The following SF3B1 variants were observed in gnomAD, a reference collection of about 807,000 sequenced individuals.
The protein encoded by SF3B1 is pre-mRNA processing 10.
A neutral mutation model predicts 153.8 loss-of-function variants in SF3B1; 12 were observed. That is an observed-to-expected ratio of 0.08 (90% CI 0.05 to 0.13). SF3B1 has a LOEUF of 0.13. SF3B1 is among the 10% of genes least tolerant of loss of function. The pLI, the probability that SF3B1 is intolerant of heterozygous loss-of-function variation, is 1.00. For missense variants in SF3B1, 513 were observed against 1,606.1 expected (o/e 0.32, Z 11.63); for synonymous variants, 498 against 525.2 (o/e 0.95, Z 0.71).
Position 197,402,156 on chromosome 2 carries a change from C to T in SF3B1, c.2078-26G>A, listed in dbSNP as rs1467608931. Reference sequence around the variant, plus strand: ...CTACAAAACCAAACACAGGTTTTAACTATGCCCCAACATTACCTAAGTTAC... The same window carrying T: ...CTACAAAACCAAACACAGGTTTTAATTATGCCCCAACATTACCTAAGTTAC... On this transcript the variant is annotated intron_variant, in intron 14 of 24. Transcript: ENST00000335508. The surrounding 1 kb of genome is among the most constrained non-coding windows in gnomAD (Gnocchi z 4.6). The T allele has an allele frequency of 6.3e-7, 1 of 1,581,012 alleles. No homozygotes were observed. Among genetic ancestry groups the T allele is most frequent in the African/African-American group, 1.4e-5 (1 of 73,436 alleles).
chr2:197,429,547 GC>G (rs1266895710), intron 1 of SF3B1, among the ~76,000 whole-genome samples: 1 of 152,214 alleles, frequency 6.6e-6, no homozygotes, highest in Non-Finnish European at 1.5e-5. Context: ...ACTTTGGGAG[GC>G]CGATGTGGAT....
intron 2 of SF3B1, among the ~76,000 whole-genome samples, chr2:197,421,669 T>C (rs1007573104): frequency 6.6e-5 from 10 of 152,218 alleles, no homozygotes; most frequent in East Asian, 1.9e-4. Context: ...TGTAGGAGTT[T>C]TGAGACTAGC....
intron 1 of SF3B1, among the ~76,000 whole-genome samples, chr2:197,428,117 C>T (rs2085364334): frequency 6.6e-6 from 1 of 151,960 alleles, no homozygotes; most frequent in Non-Finnish European, 1.5e-5. Context: ...AGTTCAAGGC[C>T]AGCCTAAGCA....
In SF3B1 at chr2:197,405,356, A is replaced by G. The variant is rs1158392491; in HGVS notation, c.1356T>C (p.Thr452=). Residue 452 remains threonine (T), a synonymous_variant, in exon 10 of 25, where the codon ACT becomes ACC. Transcript: ENST00000335508. Reference sequence around the variant, plus strand: ...ATGGCTGGTCATTAACACTTTTCATAGTTCGATCTTCAGTTTGCATGTGGA... The same window carrying G: ...ATGGCTGGTCATTAACACTTTTCATGGTTCGATCTTCAGTTTGCATGTGGA... ...TGFHMQTEDR[T]MKSVNDQPSG... 1.2e-6 allele frequency: 2 copies of G among 1,614,080 alleles called. No individual in the cohort carries two copies. The highest frequency in any genetic ancestry group is 1.7e-6 in the Non-Finnish European group (2 of 1,179,954).
intron 6 of SF3B1, among the ~76,000 whole-genome samples, chr2:197,412,805 C>G (rs549103307): frequency 6.8e-6 from 1 of 147,528 alleles, no homozygotes; most frequent in Non-Finnish European, 1.5e-5. Context: ...GCCAACACTG[C>G]GAAACCCTGT....
intron 2 of SF3B1, among the ~76,000 whole-genome samples, chr2:197,423,217 T>C (rs1253467845): frequency 6.6e-6 from 1 of 151,510 alleles, no homozygotes; most frequent in Non-Finnish European, 1.5e-5. Context: ...CAAAACCCCA[T>C]CTCTACTAAA....
chr2:197,418,837 G>A (rs2085195842), intron 4 of SF3B1: 1 of 1,523,074 alleles, frequency 6.6e-7, no homozygotes, highest in Non-Finnish European at 8.8e-7. Flanking sequence ...CAAAATGACA[G>A]CACAGTTTAG....
upstream of SF3B1, chr2:197,435,069 GA>G: frequency 6.2e-7 from 1 of 1,612,542 alleles, no homozygotes; most frequent in Non-Finnish European, 8.5e-7. Context: ...CCGCCACGGA[GA>G]AAAATAGCTG....
intron 1 of SF3B1, among the ~76,000 whole-genome samples, chr2:197,424,619 C>G (rs1480652207): frequency 1.3e-5 from 2 of 152,138 alleles, no homozygotes; most frequent in Non-Finnish European, 2.9e-5. Flanking sequence ...CAATCAAGCA[C>G]CATACACTGC....
chr2:197,413,989 TAG>T (rs577538408), intron 6 of SF3B1, among the ~76,000 whole-genome samples: 71 of 152,146 alleles, frequency 4.7e-4, no homozygotes, highest in African/African-American at 1.7e-3. Flanking sequence ...GTATTTTAAC[TAG>T]AGTCGGGGTT....
chr2:197,420,032 T>C, intron 4 of SF3B1: 1 of 241,358 alleles, frequency 4.1e-6, no homozygotes, highest in Non-Finnish European at 8.1e-6. Context: ...GGAGCTCTAG[T>C]GTGAGAAACA....
chr2:197,422,297 T>C (rs2085256642), intron 2 of SF3B1, among the ~76,000 whole-genome samples: 1 of 151,896 alleles, frequency 6.6e-6, no homozygotes, highest in African/African-American at 2.4e-5. Context: ...GTGACTTGAA[T>C]TTCTTAAAAA....
intron 1 of SF3B1, among the ~76,000 whole-genome samples, chr2:197,428,400 C>T (rs1475073150): frequency 6.6e-6 from 1 of 152,168 alleles, no homozygotes; most frequent in African/African-American, 2.4e-5. Flanking sequence ...TCTCCCCTAT[C>T]CATGCCAGCC....
chr2:197,420,160 CAAAAGT>C (rs2085216695), intron 4 of SF3B1: 1 of 376,902 alleles, frequency 2.7e-6, no homozygotes. Flanking sequence ...GTACCCAAAA[CAAAAGT>C]AAAAGTAAAA....
At chr2:197,409,742 CCA>C in intron 7 of SF3B1, 26 bp downstream of exon 7, 2 of 1,523,632 alleles carry the variant, frequency 1.3e-6, no homozygotes, top group South Asian at 2.2e-5. Context: ...AACATTTCAC[CCA>C]CACACCCATA....
At position 197,408,594 on chromosome 2, in the gene SF3B1, A is replaced by T; in HGVS notation, c.905-13T>A. 3.2e-6 allele frequency: 5 copies of T among 1,580,920 alleles called. No homozygotes were observed. Among genetic ancestry groups the T allele is most frequent in the Non-Finnish European group, 3.5e-6 (4 of 1,151,580 alleles). On this transcript the variant is annotated splice_polypyrimidine_tract_variant and intron_variant, in intron 7 of 24. Coordinates refer to ENST00000335508, the MANE Select transcript of SF3B1 (RefSeq NM_012433.4). The stretch of plus-strand genomic sequence containing the variant: ...TGCCCAGGAGTATCTTTAAAAAGAA[A>T]GAGTGAGTAAAACCACAATTTTAAT...
In SF3B1 at chr2:197,409,811, G is replaced by A. The variant is rs2105995982; in HGVS notation, c.863C>T (p.Ala288Val). Residue 288 changes from alanine to valine, a missense_variant, in exon 7 of 25, where the codon GCT becomes GTT. By Grantham distance (64) the Ala-to-Val change is moderately conservative. Coordinates refer to ENST00000335508, the MANE Select transcript of SF3B1 (RefSeq NM_012433.4). ...GGTTTCATCCCATCTGTTTTTACGA[G>A]CACTGGAAGTTGCGCCTCCATGGCC... ...TPGHGGATSS[A>V]RKNRWDETPK... 6.2e-7 allele frequency: 1 copy of A among 1,614,030 alleles called. No individual in the cohort carries two copies. The highest frequency in any genetic ancestry group is 8.5e-7 in the Non-Finnish European group (1 of 1,179,916).
At chr2:197,414,884 G>C (rs1417777813) in intron 6 of SF3B1, among the ~76,000 whole-genome samples, 1 of 152,018 alleles carries the variant, frequency 6.6e-6, no homozygotes, top group Admixed American at 6.6e-5. Flanking sequence ...CGTGTCTATA[G>C]TCCCATCTAC....
In SF3B1 at chr2:197,401,669, T is replaced by C. The variant is rs530083957; in HGVS notation, c.2370+73A>G. The C allele has an allele frequency of 2.0e-6, 3 of 1,526,954 alleles. No individual in the cohort carries two copies. In the African/African-American group the frequency reaches 4.2e-5, roughly 21 times the overall value. The allele number at this position is 1,526,954 out of a possible 1,614,324, so 94.6% of individuals were successfully genotyped here. ...AACATACAGTTTTTTTTGTTGATTT[T>C]TAAAAACACTTTAAAATTCTGTTAG... On this transcript the variant is annotated intron_variant, in intron 16 of 24. Coordinates refer to ENST00000335508, the MANE Select transcript of SF3B1 (RefSeq NM_012433.4). The surrounding 1 kb of genome is among the most constrained non-coding windows in gnomAD (Gnocchi z 4.2).
Sources: gnomAD v4.1 joint callset for allele counts (sites outside exome capture counted in the v4.1 genomes callset) on GRCh38, gnomAD v4.1.1 for gene constraint, Gnocchi (gnomAD v3.1) non-coding constraint, MANE v1.5 for transcripts, NCBI Gene and HGNC (gene_info 2026-07-23, HGNC 2026-07-21) for gene names.